Variants in PSD3 observed in about 807,000 individuals in gnomAD.
PSD3 encodes pleckstrin and Sec7 domain containing 3, also known as PH and SEC7 domain-containing protein 3.
Under a neutral mutation model 105.5 loss-of-function variants are expected in PSD3, and 49 were observed. The observed-to-expected ratio is 0.46, with a 90% CI of 0.37 to 0.59. The LOEUF (loss-of-function observed/expected upper bound fraction) is 0.59, where lower values mean the gene tolerates loss of function less well. Among genes scored for constraint, PSD3 ranks in the 20% least tolerant of loss-of-function variants. The probability of loss-of-function intolerance (pLI) is 0.00; values close to 1 mark genes in which losing one functional copy is unlikely to be tolerated. For synonymous variants in PSD3, 557 were observed against 457.8 expected, an observed-to-expected ratio of 1.22 and a Z score of -2.77; for missense variants, 1,561 against 1,263.8, an observed-to-expected ratio of 1.24 and a Z score of -3.57.
chr8:18,562,294 T>C (rs1415833740), intron 14 of PSD3, among the ~76,000 whole-genome samples: 1 of 152,154 alleles, frequency 6.6e-6, no homozygotes, highest in African/African-American at 2.4e-5. Context: ...ACCCTCTTTG[T>C]CTTAGAGAAG....
chr8:18,777,200 G>A (rs907791166), intron 8 of PSD3, among the ~76,000 whole-genome samples: 8 of 151,700 alleles, frequency 5.3e-5, no homozygotes, highest in African/African-American at 1.7e-4. Context: ...GCACCACCAC[G>A]CCCAGCTAAT....
At chr8:18,660,714 T>C (rs1809285156) in intron 9 of PSD3, among the ~76,000 whole-genome samples, 1 of 152,218 alleles carries the variant, frequency 6.6e-6, no homozygotes, top group Non-Finnish European at 1.5e-5. Context: ...ATGCTCCACA[T>C]GTAACTCTGA....
intron 4 of PSD3, among the ~76,000 whole-genome samples, chr8:18,861,160 C>T (rs374980597): frequency 5.9e-5 from 9 of 152,182 alleles, no homozygotes; most frequent in African/African-American, 1.7e-4. Context: ...CTGAAGGGCA[C>T]TGAAAGAACA....
chr8:19,081,179 G>A (rs1027466707), intron 1 of PSD3, among the ~76,000 whole-genome samples: 21 of 152,252 alleles, frequency 1.4e-4, no homozygotes, highest in South Asian at 1.2e-3. Context: ...TGTTAGAGCC[G>A]TCCGTTGGCA....
intron 15 of PSD3, among the ~76,000 whole-genome samples, chr8:18,547,534 A>C (rs1435480520): frequency 6.6e-6 from 1 of 152,162 alleles, no homozygotes; most frequent in Non-Finnish European, 1.5e-5. Context: ...CATCACCCTC[A>C]CTATGCTGCC....
At chr8:18,950,789 C>T (rs1823188816) in intron 1 of PSD3, among the ~76,000 whole-genome samples, 1 of 152,078 alleles carries the variant, frequency 6.6e-6, no homozygotes, top group African/African-American at 2.4e-5. Context: ...TCTCGGGGAA[C>T]ATCAGGTTGT....
intron 10 of PSD3, among the ~76,000 whole-genome samples, chr8:18,643,908 C>CGGG (rs1409355438): frequency 6.6e-6 from 1 of 152,208 alleles, no homozygotes; most frequent in African/African-American, 2.4e-5. Context: ...GCTTGTATTT[C>CGGG]CTAGAACAGT....
At chr8:18,851,972 G>T (rs919871020) in intron 4 of PSD3, among the ~76,000 whole-genome samples, 1 of 152,174 alleles carries the variant, frequency 6.6e-6, no homozygotes, top group East Asian at 1.9e-4. Flanking sequence ...GGAAAGTGGT[G>T]AAGGCAAAAA....
intron 4 of PSD3, among the ~76,000 whole-genome samples, chr8:18,833,935 G>A (rs1022652949): frequency 1.1e-4 from 16 of 151,842 alleles, no homozygotes; most frequent in African/African-American, 2.9e-4. Context: ...AAATCATGAG[G>A]GACCAGTTAG....
At chr8:18,668,711 G>A (rs1799618088) in intron 9 of PSD3, among the ~76,000 whole-genome samples, 1 of 151,988 alleles carries the variant, frequency 6.6e-6, no homozygotes, top group Non-Finnish European at 1.5e-5. Context: ...ACACACCTGT[G>A]TACATATATA....
intron 1 of PSD3, among the ~76,000 whole-genome samples, chr8:19,074,006 G>T (rs1392231875): frequency 6.6e-6 from 1 of 152,020 alleles, no homozygotes; most frequent in Non-Finnish European, 1.5e-5. Flanking sequence ...TAGCCAGGAT[G>T]GTCTCGATCT....
At chr8:18,572,382 A>T in intron 14 of PSD3, 146 bp downstream of exon 14, 1 of 972,322 alleles carries the variant, frequency 1.0e-6, no homozygotes, top group Non-Finnish European at 1.5e-6. Flanking sequence ...TGTACTGCAT[A>T]TCTGCCTCAT....
At chr8:19,004,724 A>G (rs190153338) in intron 1 of PSD3, among the ~76,000 whole-genome samples, 7 of 152,200 alleles carry the variant, frequency 4.6e-5, no homozygotes, top group African/African-American at 1.7e-4. Context: ...GAACTCCCAC[A>G]ATTCCCATGT....
chr8:18,650,523 G>A (rs538226509), intron 10 of PSD3, among the ~76,000 whole-genome samples: 2 of 152,292 alleles, frequency 1.3e-5, no homozygotes, highest in African/African-American at 2.4e-5. Context: ...CCTTCCACAA[G>A]TCAATTTGAC....
chr8:19,026,585 C>T (rs942446286), intron 1 of PSD3, among the ~76,000 whole-genome samples: 19 of 151,320 alleles, frequency 1.3e-4, no homozygotes, highest in African/African-American at 4.4e-4. Context: ...CTAAAGGAGA[C>T]CAGGTGTGGT....
chr8:18,811,542 G>C (rs1014399123), intron 4 of PSD3, among the ~76,000 whole-genome samples: 2 of 152,170 alleles, frequency 1.3e-5, no homozygotes, highest in African/African-American at 4.8e-5. Context: ...ATAGAGCAAA[G>C]ATAGAAGAGG....
At chr8:19,024,155 T>C (rs1445849490) in intron 1 of PSD3, among the ~76,000 whole-genome samples, 1 of 152,244 alleles carries the variant, frequency 6.6e-6, no homozygotes, top group Non-Finnish European at 1.5e-5. Context: ...AATAATAAAA[T>C]GTTTTCAAAA....
At chr8:18,548,846 C>G (rs946886805) in intron 15 of PSD3, among the ~76,000 whole-genome samples, 1 of 152,134 alleles carries the variant, frequency 6.6e-6, no homozygotes, top group African/African-American at 2.4e-5. Flanking sequence ...TCCCATGCAG[C>G]TTGGGGAGAA....
intron 1 of PSD3, among the ~76,000 whole-genome samples, chr8:19,063,796 T>G (rs767182220): frequency 6.6e-6 from 1 of 152,104 alleles, no homozygotes; most frequent in Non-Finnish European, 1.5e-5. Flanking sequence ...TTTTTTTATT[T>G]TTAGCATCTT....
Sources: gnomAD v4.1 joint callset for allele counts (sites outside exome capture counted in the v4.1 genomes callset) on GRCh38, gnomAD v4.1.1 for gene constraint, MANE v1.5 for transcripts, NCBI Gene and HGNC (gene_info 2026-07-23, HGNC 2026-07-21) for gene names.